Variants in STRBP observed in about 807,000 individuals in gnomAD.
The protein encoded by STRBP is spermatid perinuclear RNA-binding protein.
Under a neutral mutation model 80.1 loss-of-function variants are expected in STRBP, and 13 were observed. The ratio of observed to expected loss-of-function variants is 0.16; its 90% CI spans 0.11 to 0.26. The LOEUF (loss-of-function observed/expected upper bound fraction) is 0.26, where lower values mean the gene tolerates loss of function less well. STRBP is among the 10% of genes least tolerant of loss of function. The pLI is 1.00. For missense variants in STRBP, 485 were observed against 815.2 expected, an observed-to-expected ratio of 0.59 and a Z score of 4.93; for synonymous variants, 284 against 291.2, an observed-to-expected ratio of 0.98 and a Z score of 0.25.
At chr9:123,241,519 C>CAAAA (rs1234632965) in intron 1 of STRBP, among the ~76,000 whole-genome samples, 2 of 140,918 alleles carry the variant, frequency 1.4e-5, no homozygotes, top group African/African-American at 5.2e-5. Flanking sequence ...CCCGCACACA[C>CAAAA]AAAAAAAAAA....
chr9:123,131,740 G>A (rs2036147978), intron 17 of STRBP, among the ~76,000 whole-genome samples: 1 of 152,138 alleles, frequency 6.6e-6, no homozygotes, highest in South Asian at 2.1e-4. Context: ...AGCTGCATGA[G>A]AACAAAATCC....
intron 2 of STRBP, among the ~76,000 whole-genome samples, chr9:123,210,315 A>G (rs2039663443): frequency 6.6e-6 from 1 of 152,110 alleles, no homozygotes; most frequent in African/African-American, 2.4e-5. Context: ...AAACACCCTA[A>G]AGATGGTAAA....
Position 123,179,037 on chromosome 9 carries a change from T to C in STRBP, c.194A>G (p.Lys65Arg), listed in dbSNP as rs1252577588. The stretch of plus-strand genomic sequence containing the variant: ...ATAGTTTTCTCCGGCCTCATCTTTC[T>C]TCACTTCTGTCTCACCCTCTGTTTT... ...GTKTEGETEVKKDEAGENYSK... is the reference protein window; with the variant it reads ...GTKTEGETEVRKDEAGENYSK... Residue 65 changes from lysine to arginine, a missense_variant, in exon 4 of 19, where the codon AAG becomes AGG. Lys to Arg is a conservative substitution (Grantham distance 26). Around this residue, in one of 3 missense-constraint regions of STRBP, gnomAD observed 377 missense variants for 616.1 expected, o/e 0.61. Transcript: ENST00000348403. The C allele has an allele frequency of 3.1e-6, 5 of 1,614,052 alleles. No individual in the cohort carries two copies. The highest frequency in any genetic ancestry group is 1.3e-5 in the African/African-American group (1 of 74,936).
chr9:123,267,382 A>C, intron 1 of STRBP, among the ~76,000 whole-genome samples: 1 of 148,168 alleles, frequency 6.7e-6, no homozygotes, highest in Non-Finnish European at 1.5e-5. Flanking sequence ...TACTGTCCCC[A>C]CCTCTCTCTG....
chr9:123,220,306 G>A (rs567071742), intron 2 of STRBP, among the ~76,000 whole-genome samples: 39 of 152,280 alleles, frequency 2.6e-4, no homozygotes, highest in Middle Eastern at 3.4e-3. Context: ...AAACCTAGAT[G>A]TTATGGCCTT....
At chr9:123,242,612 A>G (rs2040717772) in intron 1 of STRBP, among the ~76,000 whole-genome samples, 1 of 152,200 alleles carries the variant, frequency 6.6e-6, no homozygotes, top group South Asian at 2.1e-4. Flanking sequence ...CTAAGTAGAG[A>G]TCACACCACT....
At chr9:123,159,028 T>C in intron 9 of STRBP, 68 bp downstream of exon 9, 3 of 1,300,032 alleles carry the variant, frequency 2.3e-6, no homozygotes, top group Non-Finnish European at 3.3e-6. Flanking sequence ...AAACTTAGCA[T>C]ATATTTAGAA....
chr9:123,243,379 C>A (rs976818026), intron 1 of STRBP, among the ~76,000 whole-genome samples: 1 of 149,956 alleles, frequency 6.7e-6, no homozygotes, highest in African/African-American at 2.5e-5. Flanking sequence ...CAGAAATAAA[C>A]ACACTTTTAG....
intron 2 of STRBP, among the ~76,000 whole-genome samples, chr9:123,201,468 G>A (rs2039323594): frequency 6.6e-6 from 1 of 152,134 alleles, no homozygotes; most frequent in Non-Finnish European, 1.5e-5. Flanking sequence ...TGTTAACCCA[G>A]ATATCATTCA....
intron 2 of STRBP, among the ~76,000 whole-genome samples, chr9:123,195,259 C>T (rs981799697): frequency 6.6e-6 from 1 of 152,136 alleles, no homozygotes; most frequent in African/African-American, 2.4e-5. Context: ...TCCTTTCTTC[C>T]TCCCACATCT....
chr9:123,111,661 C>T (rs1467321005), intron 3 of STRBP: 1 of 469,866 alleles, frequency 2.1e-6, no homozygotes, highest in Non-Finnish European at 4.4e-6. Flanking sequence ...CAGGAAAGGC[C>T]ACACCTGGCA....
chr9:123,211,627 T>C (rs573193170), intron 2 of STRBP, among the ~76,000 whole-genome samples: 2 of 152,330 alleles, frequency 1.3e-5, no homozygotes, highest in Admixed American at 6.5e-5. Context: ...TCTCAGCCTA[T>C]ATTAAATTTT....
At chr9:123,125,939 T>C (rs889197760) in intron 18 of STRBP, among the ~76,000 whole-genome samples, 108 of 152,208 alleles carry the variant, frequency 7.1e-4, no homozygotes, top group African/African-American at 2.5e-3. Context: ...TACCATGAAT[T>C]CTGAAAATCA....
intron 17 of STRBP, 147 bp downstream of exon 17, chr9:123,132,698 C>T (rs1035057481): frequency 2.5e-6 from 3 of 1,188,102 alleles, no homozygotes; most frequent in African/African-American, 3.1e-5. Context: ...TGACATTCTG[C>T]CAATTCTCTA....
In STRBP at chr9:123,115,338, C is replaced by T. The variant is rs183464476; in HGVS notation, c.*84+591G>A. On this transcript the variant is annotated intron_variant and NMD_transcript_variant, in intron 3 of 3. Transcript: ENST00000471564. The surrounding 1 kb of genome is among the most constrained non-coding windows in gnomAD (Gnocchi z 5.0). ...TGAGGCCTGGCTCCTCTCCTGCCCTCGGCGGGAGACCTGGGAACGGGCCTG... is the reference window on the plus strand; with the variant it reads ...TGAGGCCTGGCTCCTCTCCTGCCCTTGGCGGGAGACCTGGGAACGGGCCTG... The T allele has an allele frequency of 2.5e-4, 118 of 471,108 alleles. No individual in the cohort carries two copies. Among genetic ancestry groups the T allele is most frequent in the African/African-American group, 1.9e-3 (97 of 50,202 alleles). The allele number at this position is 471,108 out of a possible 1,614,324, so 29.2% of individuals were successfully genotyped here. A position where few individuals can be genotyped will look rare whatever the true frequency, so the allele number is the denominator to read the frequency against.
chr9:123,140,014 G>C (rs1328605619), intron 13 of STRBP, among the ~76,000 whole-genome samples: 1 of 152,152 alleles, frequency 6.6e-6, no homozygotes, highest in Non-Finnish European at 1.5e-5. Context: ...CAAACCAATA[G>C]GATAAGGACA....
intron 5 of STRBP, among the ~76,000 whole-genome samples, chr9:123,171,915 C>T (rs1238587054): frequency 6.6e-6 from 1 of 152,100 alleles, no homozygotes; most frequent in Non-Finnish European, 1.5e-5. Flanking sequence ...TGAATACTTG[C>T]TAACTAGACA....
chr9:123,247,056 TA>T (rs916469249), intron 1 of STRBP, among the ~76,000 whole-genome samples: 10 of 151,926 alleles, frequency 6.6e-5, no homozygotes, highest in Middle Eastern at 3.4e-3. Flanking sequence ...AACAATAATT[TA>T]AAAAAAAGTT....
intron 1 of STRBP, among the ~76,000 whole-genome samples, chr9:123,255,836 G>A (rs1015992111): frequency 6.6e-6 from 1 of 151,842 alleles, no homozygotes; most frequent in African/African-American, 2.4e-5. Context: ...ACCTGCAAAC[G>A]TTATACCAAA....
Sources: gnomAD v4.1 joint callset for allele counts (sites outside exome capture counted in the v4.1 genomes callset) on GRCh38, gnomAD v4.1.1 for gene constraint, gnomAD v4.1.1 regional missense constraint, Gnocchi (gnomAD v3.1) non-coding constraint, MANE v1.5 for transcripts, NCBI Gene and HGNC (gene_info 2026-07-23, HGNC 2026-07-21) for gene names.